TAF2: variants seen among roughly 807,000 people sequenced by gnomAD.
TAF2 encodes the protein transcription initiation factor TFIID subunit 2.
Under a neutral mutation model 138.5 loss-of-function variants are expected in TAF2, and 61 were observed. That is an observed-to-expected ratio of 0.44 (90% CI 0.36 to 0.54). TAF2 has a LOEUF of 0.54. TAF2 is among the 20% of genes least tolerant of loss of function. The pLI is 0.00. For synonymous variants in TAF2, 475 were observed against 469.9 expected, an observed-to-expected ratio of 1.01 and a Z score of -0.14; for missense variants, 1,090 against 1,427.9, an observed-to-expected ratio of 0.76 and a Z score of 3.81.
chr8:119,817,177 G>A (rs1825533147), intron 3 of TAF2, among the ~76,000 whole-genome samples: 1 of 152,104 alleles, frequency 6.6e-6, no homozygotes. Context: ...CCTAACCTTT[G>A]AAAAGATTCT....
intron 25 of TAF2, among the ~76,000 whole-genome samples, chr8:119,737,447 C>T (rs1421287686): frequency 6.6e-6 from 1 of 151,610 alleles, no homozygotes; most frequent in Non-Finnish European, 1.5e-5. Flanking sequence ...GATACAGGGG[C>T]CTCATTATAC....
rs564134711 is a variant in TAF2 at position 119,785,132 on chromosome 8, C to T, written c.1859+69G>A. 4.4e-5 allele frequency: 55 copies of T among 1,243,012 alleles called. 1 individual carries two copies. In the East Asian group the frequency reaches 4.9e-4, roughly 11 times the overall value. The allele number at this position is 1,243,012 out of a possible 1,614,324, so 77.0% of individuals were successfully genotyped here. A position where few individuals can be genotyped will look rare whatever the true frequency, so the allele number is the denominator to read the frequency against. On this transcript the variant is annotated intron_variant, in intron 15 of 25. Transcript: ENST00000378164. ...GAGGACAGTTATACACTTTTACGTA[C>T]GCATAACAAAGTAGACAGATGAGAA...
At chr8:119,804,182 A>C (rs991732430) in intron 4 of TAF2, among the ~76,000 whole-genome samples, 163 bp from the exon 5 acceptor site, 2 of 152,214 alleles carry the variant, frequency 1.3e-5, no homozygotes, top group Admixed American at 1.3e-4. Context: ...ATGTCTGCCT[A>C]TATTAACTCA....
chr8:119,732,197 A>C lies in TAF2; in HGVS notation c.3338-11T>G. The C allele has an allele frequency of 6.2e-7, 1 of 1,612,236 alleles. No homozygotes were observed. The highest frequency in any genetic ancestry group is 8.5e-7 in the Non-Finnish European group (1 of 1,178,332). ...GTGCTTGTTCTTTACCTTCAAGATT[A>C]AAAATACCCAAATGAATTCCTGCTG... On this transcript the variant is annotated splice_polypyrimidine_tract_variant and intron_variant, in intron 25 of 25. Transcript: ENST00000378164.
chr8:119,743,158 G>C (rs1368308895), intron 24 of TAF2, among the ~76,000 whole-genome samples: 1 of 151,986 alleles, frequency 6.6e-6, no homozygotes, highest in Non-Finnish European at 1.5e-5. Context: ...TTATTACACT[G>C]ATGACAAGTG....
At chr8:119,804,966 C>A (rs937688045) in intron 4 of TAF2, among the ~76,000 whole-genome samples, 2 of 152,040 alleles carry the variant, frequency 1.3e-5, no homozygotes, top group Non-Finnish European at 2.9e-5. Flanking sequence ...ATCTCCAAAC[C>A]CTAAAAATGC....
Position 119,785,214 on chromosome 8 carries a change from G to C in TAF2, c.1846C>G (p.Leu616Val), listed in dbSNP as rs1357744707. 3 of 1,612,562 alleles carry C rather than the reference G, an allele frequency of 1.9e-6. No individual in the cohort carries two copies. The highest frequency in any genetic ancestry group is 2.5e-6 in the Non-Finnish European group (3 of 1,178,898). ...LMNGEEVDMDLSAMDADSPLL... is the reference protein window; with the variant it reads ...LMNGEEVDMDVSAMDADSPLL... ...TAACTAACTTACTCCATTGCAGAAA[G>C]ATCCATATCAACTTCTTCTCCATTC... is the stretch of plus-strand genomic sequence containing the variant. Residue 616 changes from leucine to valine, a missense_variant, in exon 15 of 26, where the codon CTT becomes GTT. Leu to Val is a conservative substitution (Grantham distance 32). Transcript: ENST00000378164.
chr8:119,831,400 G>A (rs748366531), intron 2 of TAF2, among the ~76,000 whole-genome samples: 1 of 151,976 alleles, frequency 6.6e-6, no homozygotes, highest in Admixed American at 6.6e-5. Flanking sequence ...ATTATAAAAT[G>A]CTTGGCTATA....
intron 2 of TAF2, among the ~76,000 whole-genome samples, chr8:119,829,657 A>C (rs929898323): frequency 3.9e-5 from 6 of 152,056 alleles, no homozygotes; most frequent in Non-Finnish European, 8.8e-5. Context: ...TGGGAAACTT[A>C]AGTCATCCAC....
At chr8:119,818,859 T>C (rs749656610) in intron 3 of TAF2, among the ~76,000 whole-genome samples, 2 of 152,130 alleles carry the variant, frequency 1.3e-5, no homozygotes, top group Non-Finnish European at 2.9e-5. Context: ...GTAGCCTCAA[T>C]AGATGTAGTA....
chr8:119,832,611 G>A lies in TAF2; in HGVS notation c.-47C>T, dbSNP rs779969737. The A allele has an allele frequency of 6.4e-7, 1 of 1,567,684 alleles. No homozygotes were observed. On this transcript the variant is annotated 5_prime_UTR_variant, in exon 1 of 26. Transcript: ENST00000378164. Reference sequence around the variant, plus strand: ...GCTTCCCGGCTTCCTAGGGGGATACGGGGCATTACTAGTCTTTGGCACCTC... The same window carrying A: ...GCTTCCCGGCTTCCTAGGGGGATACAGGGCATTACTAGTCTTTGGCACCTC...
rs770932636 is a variant in TAF2 at position 119,832,534 on chromosome 8, TTC to T, written c.29_30del (p.Arg10AsnfsTer11). MPLTGVEPA[R>X]MNRKKGDKGF... is the part of the protein sequence containing the mutation. Reference sequence around the variant, plus strand: ...CCCTTGTCTCCTTTCTTCCTGTTCATTCTGGCGGGCTCTACACCAGTCAGCGG... The same window carrying T: ...CCCTTGTCTCCTTTCTTCCTGTTCATTGGCGGGCTCTACACCAGTCAGCGG... On this transcript the variant is annotated frameshift_variant, in exon 1 of 26. Transcript: ENST00000378164. LOFTEE classifies it high-confidence loss of function. 6.2e-6 allele frequency: 10 copies of T among 1,610,932 alleles called. No homozygotes were observed. In the African/African-American group the frequency reaches 1.3e-4, roughly 22 times the overall value.
At chr8:119,825,658 T>C (rs933418436) in intron 2 of TAF2, among the ~76,000 whole-genome samples, 8 of 152,242 alleles carry the variant, frequency 5.3e-5, no homozygotes, top group African/African-American at 1.9e-4. Flanking sequence ...GTCATGATAG[T>C]CTCACGAGAC....
chr8:119,774,625 T>C (rs533349051), intron 18 of TAF2, among the ~76,000 whole-genome samples: 35 of 152,228 alleles, frequency 2.3e-4, no homozygotes, highest in Non-Finnish European at 4.1e-4. Context: ...GGAGAAAATT[T>C]ATTTACAAAA....
chr8:119,807,564 G>A (rs1017645034), intron 3 of TAF2, among the ~76,000 whole-genome samples: 23 of 152,288 alleles, frequency 1.5e-4, no homozygotes, highest in African/African-American at 3.4e-4. Context: ...CCATCCTGCC[G>A]TTAGGTGTAG....
intron 2 of TAF2, among the ~76,000 whole-genome samples, chr8:119,825,419 G>C (rs886646135): frequency 6.6e-6 from 1 of 152,194 alleles, no homozygotes; most frequent in Non-Finnish European, 1.5e-5. Flanking sequence ...TGAGACTTAG[G>C]ACTGTGGACT....
At chr8:119,781,860 G>A (rs184467307) in intron 16 of TAF2, among the ~76,000 whole-genome samples, 629 of 152,104 alleles carry the variant, frequency 4.1e-3, no homozygotes, top group Admixed American at 6.7e-3. Context: ...GCTAATTTTT[G>A]TATTTTTGGT....
chr8:119,756,857 T>C (rs958264597), intron 21 of TAF2, among the ~76,000 whole-genome samples: 1 of 152,104 alleles, frequency 6.6e-6, no homozygotes, highest in Non-Finnish European at 1.5e-5. Flanking sequence ...GAAGACACCA[T>C]TAAGAGGCTA....
intron 3 of TAF2, 77 bp downstream of exon 3, chr8:119,819,269 G>T: frequency 1.4e-6 from 2 of 1,468,490 alleles, no homozygotes; most frequent in South Asian, 2.4e-5. Flanking sequence ...AAAATACTTT[G>T]AGAAAAACTA....
Sources: allele counts gnomAD v4.1 joint callset (sites outside exome capture counted in the v4.1 genomes callset), GRCh38; gene constraint gnomAD v4.1.1; transcripts MANE v1.5; gene names NCBI Gene and HGNC (gene_info 2026-07-23, HGNC 2026-07-21).